Variants in BRF1 observed in about 807,000 individuals in gnomAD.
BRF1 encodes the protein transcription factor IIIB 90 kDa subunit.
A neutral mutation model predicts 81.7 loss-of-function variants in BRF1; 59 were observed. The observed-to-expected ratio is 0.72, with a 90% confidence interval of 0.59 to 0.90. The LOEUF is 0.90. Ranked by LOEUF, BRF1 falls within the 40% of genes least tolerant of loss-of-function variation. BRF1 has a pLI of 0.00. For missense variants in BRF1, 1,050 were observed against 936.3 expected (o/e 1.12, Z -1.58); for synonymous variants, 491 against 395.6 (o/e 1.24, Z -2.86).
intron 5 of BRF1, chr14:105,249,000 CCGCCCG>C (rs1014041749): frequency 7.1e-5 from 73 of 1,025,014 alleles, no homozygotes; most frequent in African/African-American, 3.6e-4. Flanking sequence ...AGCGCCGCCG[CCGCCCG>C]CGCCCGCGCC....
intron 5 of BRF1, chr14:105,247,703 G>C (rs998575524): frequency 1.0e-6 from 1 of 985,374 alleles, no homozygotes; most frequent in Non-Finnish European, 1.2e-6. Flanking sequence ...AGTTTTAAAA[G>C]TCTAAAGCCT....
At chr14:105,296,608 G>C (rs1301007497) in intron 1 of BRF1, among the ~76,000 whole-genome samples, 2 of 151,192 alleles carry the variant, frequency 1.3e-5, no homozygotes, top group African/African-American at 2.4e-5. Context: ...TTGAACCTGG[G>C]AGGCGGAGAT....
chr14:105,272,219 A>C lies in BRF1; in HGVS notation c.439+502T>G, dbSNP rs993826642. Among the ~76,000 whole-genome samples the C allele has an allele frequency of 1.2e-4, 18 of 144,114 alleles. 1 individual carries two copies. Among genetic ancestry groups the C allele is most frequent in the Admixed American group, 5.4e-4 (8 of 14,734 alleles). 94.5% of individuals were successfully genotyped at this position (144,114 alleles called of 152,430 possible). A position where few individuals can be genotyped will look rare whatever the true frequency, so the allele number is the denominator to read the frequency against. ...GGCGGCCTCCCCACCCACGGCCTGC[A>C]GTCACGGTATCCACGCACAAGGCCG... On this transcript the variant is annotated intron_variant, in intron 3 of 17. Coordinates refer to ENST00000547530, the MANE Select transcript of BRF1 (RefSeq NM_001519.4).
At chr14:105,303,532 C>T (rs759442529), upstream of BRF1, among the ~76,000 whole-genome samples, 5 of 152,318 alleles carry the variant, frequency 3.3e-5, no homozygotes, top group South Asian at 2.1e-4. Context: ...CGTGAGCCAT[C>T]GCGCCTGGCC....
At chr14:105,261,849 C>T (rs1405757933) in intron 3 of BRF1, among the ~76,000 whole-genome samples, 1 of 152,216 alleles carries the variant, frequency 6.6e-6, no homozygotes, top group Non-Finnish European at 1.5e-5. Flanking sequence ...GACCAAGGAG[C>T]GAAACCCACA....
intron 6 of BRF1, among the ~76,000 whole-genome samples, chr14:105,229,554 C>T (rs952486608): frequency 6.6e-6 from 1 of 152,228 alleles, no homozygotes; most frequent in Non-Finnish European, 1.5e-5. Context: ...CATCCACCCA[C>T]CAGCACCAAG....
At chr14:105,279,306 T>C (rs1331908976) in intron 2 of BRF1, among the ~76,000 whole-genome samples, 1 of 152,168 alleles carries the variant, frequency 6.6e-6, no homozygotes, top group African/African-American at 2.4e-5. Flanking sequence ...GAAACATGTA[T>C]ATCCAACAAA....
chr14:105,288,823 C>T (rs28818248), intron 1 of BRF1, among the ~76,000 whole-genome samples: 29,376 of 150,726 alleles, frequency 0.19, 3,657 homozygotes, highest in Middle Eastern at 0.27. Flanking sequence ...TTAGTAGAGA[C>T]GGGGTTTCAC....
chr14:105,219,591 G>A (rs1435909257), intron 12 of BRF1: 7 of 451,220 alleles, frequency 1.6e-5, no homozygotes, highest in Non-Finnish European at 2.8e-5. Context: ...CCAGGCTGGA[G>A]GGGTCTGAGG....
At chr14:105,263,234 C>CA (rs760613469) in intron 3 of BRF1, among the ~76,000 whole-genome samples, 25,952 of 83,318 alleles carry the variant, frequency 0.31, 4,076 homozygotes, top group Non-Finnish European at 0.41. Context: ...AAGACTCCAT[C>CA]AAAAAAAAAA....
At chr14:105,228,463 G>A (rs1341011850) in intron 7 of BRF1, among the ~76,000 whole-genome samples, 1 of 151,920 alleles carries the variant, frequency 6.6e-6, no homozygotes, top group African/African-American at 2.4e-5. Flanking sequence ...AGAATCTCTT[G>A]GACCCGGGAG....
chr14:105,262,111 A>G lies in BRF1; in HGVS notation c.440-5562T>C, dbSNP rs587640161. Among the ~76,000 whole-genome samples the G allele has an allele frequency of 1.2e-4, 19 of 152,318 alleles. No homozygotes were observed. The South Asian group carries it at 3.3e-3, about 27-fold the overall frequency. On this transcript the variant is annotated intron_variant, in intron 3 of 17. Transcript: ENST00000547530. ...GCGGCCGACCAAGCACCCACACAGG[A>G]GCCCGGCAGGCAGACTGGGCATCCT...
At position 105,314,993 on chromosome 14, in the gene BRF1, C is replaced by T. The variant is rs1023090773; in HGVS notation, c.-162+329G>A. The T allele has an allele frequency of 3.2e-6, 4 of 1,252,522 alleles. No homozygotes were observed. Among genetic ancestry groups the T allele is most frequent in the Admixed American group, 2.8e-5 (1 of 35,208 alleles). 77.6% of individuals were successfully genotyped at this position (1,252,522 alleles called of 1,614,324 possible). On this transcript the variant is annotated intron_variant, in intron 1 of 17. Coordinates refer to the BRF1 transcript ENST00000327359. ...ACACGCCCGTGCCCATGAACCTGTT[C>T]GCCACCTGGGAGGTGGACGGCTCCA...
chr14:105,242,135 C>T (rs2735829), intron 5 of BRF1: 33,833 of 152,268 alleles, frequency 0.22, 4,137 homozygotes, highest in Middle Eastern at 0.27. Flanking sequence ...CACGACGCAG[C>T]CCCCCTTTCC....
rs1187836224 is a variant in BRF1 at position 105,309,153 on chromosome 14, T to G, written c.-162+6169A>C. ...TAGGGCCTGGGTGTTTTCCTTTCTT[T>G]TCTAATATTTAAGTTATGTCCTGGC... On this transcript the variant is annotated intron_variant, in intron 1 of 17. Transcript: ENST00000327359. The surrounding 1 kb of genome is among the most constrained non-coding windows in gnomAD (Gnocchi z 4.0). 6.6e-6 allele frequency among the ~76,000 whole-genome samples: 1 copy of G among 152,176 alleles called. No individual in the cohort carries two copies. The highest frequency in any genetic ancestry group is 1.9e-4 in the East Asian group (1 of 5,188).
intron 8 of BRF1, among the ~76,000 whole-genome samples, 156 bp downstream of exon 8, chr14:105,226,478 G>T (rs919718049): frequency 6.6e-6 from 1 of 152,222 alleles, no homozygotes; most frequent in African/African-American, 2.4e-5. Flanking sequence ...TGTGTGAGGG[G>T]CATCCCGGAG....
At position 105,249,650 on chromosome 14, in the gene BRF1, A is replaced by C. The variant is rs765958760; in HGVS notation, c.544+2857T>G. 3.7e-6 allele frequency: 6 copies of C among 1,611,884 alleles called. No individual in the cohort carries two copies. The East Asian group carries it at 1.3e-4, about 36-fold the overall frequency. The stretch of plus-strand genomic sequence containing the variant: ...CCCTGCCTCGCCTAGGTACATGTAC[A>C]GTGATGAGATCGATCTGGAAGCCGA... On this transcript the variant is annotated intron_variant, in intron 5 of 17. Coordinates refer to ENST00000547530, the MANE Select transcript of BRF1 (RefSeq NM_001519.4).
intron 1 of BRF1, among the ~76,000 whole-genome samples, chr14:105,296,979 G>A (rs1386664368): frequency 6.6e-6 from 1 of 151,896 alleles, no homozygotes; most frequent in African/African-American, 2.4e-5. Context: ...CCAACATGGT[G>A]AAACCCTGTC....
intron 1 of BRF1, among the ~76,000 whole-genome samples, chr14:105,292,140 G>A (rs587604215): frequency 2.6e-4 from 40 of 152,162 alleles, no homozygotes; most frequent in African/African-American, 7.0e-4. Flanking sequence ...ACAGACATGC[G>A]CCACCACGCC....
Sources: allele counts gnomAD v4.1 joint callset (sites outside exome capture counted in the v4.1 genomes callset), GRCh38; gene constraint gnomAD v4.1.1; non-coding constraint Gnocchi (gnomAD v3.1); transcripts MANE v1.5; gene names NCBI Gene and HGNC (gene_info 2026-07-23, HGNC 2026-07-21).